TCF7: variants seen among roughly 807,000 people sequenced by gnomAD.
The protein encoded by TCF7 is T-cell-factor-7.
TCF7 carries 19 observed loss-of-function variants against 46.8 expected under a neutral mutation model. The observed-to-expected ratio is 0.41, with a 90% CI of 0.28 to 0.60. The LOEUF is 0.60. TCF7 is among the 20% of genes least tolerant of loss of function. TCF7 has a pLI of 0.35. For synonymous variants in TCF7, 245 were observed against 213.4 expected, an observed-to-expected ratio of 1.15 and a Z score of -1.29; for missense variants, 547 against 504.6, an observed-to-expected ratio of 1.08 and a Z score of -0.81.
chr5:134,114,660 AGTGCCCGCCCCGCCCCCG>A (rs1171463859), upstream of TCF7: 10 of 21,286 alleles, frequency 4.7e-4, no homozygotes, highest in African/African-American at 1.9e-3. Context: ...GCCCGCCCCC[AGTGCCCGCCCCGCCCCCG>A]GCACTCGGCC....
At chr5:134,135,152 G>A (rs921710652) in intron 3 of TCF7, among the ~76,000 whole-genome samples, 1 of 152,102 alleles carries the variant, frequency 6.6e-6, no homozygotes. Flanking sequence ...TAGAGACAAG[G>A]TCTCGCTATG....
intron 7 of TCF7, 32 bp from the exon 8 acceptor site, chr5:134,142,961 T>TGCACCC (rs1760074778): frequency 6.2e-7 from 1 of 1,613,220 alleles, no homozygotes. Context: ...GACTCCCTGA[T>TGCACCC]GCACCCCACC....
rs1760892567 is a variant in TCF7 at position 134,147,944 on chromosome 5, C to A, written c.*1641C>A. The A allele has an allele frequency of 7.1e-6, 1 of 141,310 alleles. No individual in the cohort carries two copies. The highest frequency in any genetic ancestry group is 1.5e-5 in the Non-Finnish European group (1 of 66,918). The allele number at this position is 141,310 out of a possible 1,614,324, so 8.8% of individuals were successfully genotyped here. On this transcript the variant is annotated 3_prime_UTR_variant, in exon 10 of 10. Coordinates refer to ENST00000342854, the MANE Select transcript of TCF7 (RefSeq NM_003202.5). ...TGAGCCGAGATGGCGCTATTGCACT[C>A]CAGTCTGGGTAACAGGGAGACTGCA...
rs753896927 is a variant in TCF7, at chr5:134,115,391, A to T, written c.316+4A>T. On this transcript the variant is annotated splice_donor_region_variant and intron_variant, in intron 2 of 9. Coordinates refer to ENST00000342854, the MANE Select transcript of TCF7 (RefSeq NM_003202.5). ...CTTCCAGAGCCCCTGGAGGACGGTG[A>T]GTTTCTGCCCGGCCCGGCTTCCCTT... is the stretch of plus-strand genomic sequence containing the variant. 1 of 1,598,744 alleles carries T rather than the reference A, an allele frequency of 6.3e-7. No homozygotes were observed. Among genetic ancestry groups the T allele is most frequent in the Non-Finnish European group, 8.5e-7 (1 of 1,173,400 alleles).
chr5:134,140,733 G>A (rs1264978836), intron 5 of TCF7: 1 of 452,174 alleles, frequency 2.2e-6, no homozygotes, highest in Non-Finnish European at 4.5e-6. Context: ...AGCAAGGTAG[G>A]GAAGTCTTTC....
At position 134,142,779 on chromosome 5, in the gene TCF7, C is replaced by A; in HGVS notation, c.814C>A (p.Pro272Thr). 6.2e-7 allele frequency: 1 copy of A among 1,614,162 alleles called. No individual in the cohort carries two copies. The highest frequency in any genetic ancestry group is 8.5e-7 in the Non-Finnish European group (1 of 1,180,032). The change falls in exon 7 of 10, where the codon CCC (proline) becomes ACC (threonine). Residue 272 changes from proline (P) to threonine (T), a missense_variant. Pro to Thr is a conservative substitution (Grantham distance 38). This residue lies in a region of TCF7 where 32 missense variants were observed against 65.9 expected (regional missense o/e 0.49). Transcript: ENST00000342854. ...KEAKKPTIKKPLNAFMLYMKE... is the reference protein window; with the variant it reads ...KEAKKPTIKKTLNAFMLYMKE... ...GGCCAAGAAGCCAACCATCAAGAAGCCCCTCAATGCCTTCATGCTGTACAT... is the reference window on the plus strand; with the variant it reads ...GGCCAAGAAGCCAACCATCAAGAAGACCCTCAATGCCTTCATGCTGTACAT...
intron 3 of TCF7, among the ~76,000 whole-genome samples, chr5:134,133,877 G>A (rs1278619534): frequency 2.0e-5 from 3 of 152,232 alleles, no homozygotes; most frequent in African/African-American, 7.2e-5. Context: ...CCGCAGCACT[G>A]CCCATCACAT....
intron 5 of TCF7, 158 bp from the exon 6 acceptor site, chr5:134,142,021 GGTATTT>G: frequency 1.1e-6 from 1 of 921,588 alleles, no homozygotes; most frequent in Non-Finnish European, 1.6e-6. Context: ...GCTGGGAGCA[GGTATTT>G]GTATTTATCT....
In TCF7 at chr5:134,148,178, T is replaced by C. The variant is rs535133507; in HGVS notation, c.*1875T>C. 7.9e-5 allele frequency: 12 copies of C among 152,754 alleles called. No individual in the cohort carries two copies. The South Asian group carries it at 2.5e-3, about 32-fold the overall frequency. 9.5% of individuals were successfully genotyped at this position (152,754 alleles called of 1,614,324 possible). A position where few individuals can be genotyped will look rare whatever the true frequency, so the allele number is the denominator to read the frequency against. ...TTAATGCATCATCATAGAAAAACTT[T>C]TAAACATGAGAATAAAGATACTTTT... On this transcript the variant is annotated 3_prime_UTR_variant, in exon 10 of 10. Coordinates refer to ENST00000342854, the MANE Select transcript of TCF7 (RefSeq NM_003202.5).
chr5:134,123,429 A>T (rs562286122), intron 3 of TCF7, among the ~76,000 whole-genome samples: 69 of 152,318 alleles, frequency 4.5e-4, no homozygotes, highest in African/African-American at 1.6e-3. Flanking sequence ...GGAGCCTCTA[A>T]GTCGGCTCTG....
intron 7 of TCF7, 55 bp downstream of exon 7, chr5:134,142,938 G>GA: frequency 6.2e-7 from 1 of 1,612,252 alleles, no homozygotes; most frequent in Non-Finnish European, 8.5e-7. Context: ...TCTTCAGCCT[G>GA]GTGCAGCCTG....
At chr5:134,125,496 G>C (rs906551323) in intron 3 of TCF7, among the ~76,000 whole-genome samples, 5 of 152,224 alleles carry the variant, frequency 3.3e-5, no homozygotes, top group Non-Finnish European at 5.9e-5. Context: ...TCTGGGCACA[G>C]GTCTCACTCA....
rs146720876 is a variant in TCF7 at position 134,142,255 on chromosome 5, A to T, written c.706A>T (p.Ile236Phe). The change falls in exon 6 of 10, where the codon ATT becomes TTT. Residue 236 changes from isoleucine to phenylalanine, a missense_variant. Ile to Phe is a conservative substitution (Grantham distance 21). Transcript: ENST00000342854. ...GHPAAIPHPA[I>F]VPPSGKQELQ... ...CCCAGCAGCCATCCCCCACCCGGCCATTGTGCCCCCCTCAGGGAAGCAGGA... is the reference window on the plus strand; with the variant it reads ...CCCAGCAGCCATCCCCCACCCGGCCTTTGTGCCCCCCTCAGGGAAGCAGGA... 4.1e-5 allele frequency: 66 copies of T among 1,608,530 alleles called. No individual in the cohort carries two copies. The highest frequency in any genetic ancestry group is 5.1e-5 in the Non-Finnish European group (60 of 1,176,096).
intron 3 of TCF7, among the ~76,000 whole-genome samples, chr5:134,121,514 G>T (rs576106062): frequency 1.3e-5 from 2 of 151,692 alleles, no homozygotes; most frequent in South Asian, 2.1e-4. Flanking sequence ...GCTTGAACCC[G>T]GGAGGTGGAG....
intron 3 of TCF7, chr5:134,137,723 TTTAGGGGGCTGGAGGCTA>T (rs1759100263): frequency 4.9e-6 from 1 of 204,832 alleles, no homozygotes; most frequent in African/African-American, 2.3e-5. Context: ...CATGCCCTGC[TTTAGGGGGCTGGAGGCTA>T]TAAGCAACCT....
chr5:134,146,003 G>A (rs916885425), intron 9 of TCF7: 37 of 1,484,422 alleles, frequency 2.5e-5, no homozygotes, highest in Non-Finnish European at 3.3e-5. Flanking sequence ...AGTGACAAAA[G>A]GCCCCTTTGC....
rs1454653798 is a variant in TCF7, at chr5:134,147,065, G to A, written c.*762G>A. The A allele has an allele frequency of 6.3e-6, 1 of 157,810 alleles. No homozygotes were observed. The highest frequency in any genetic ancestry group is 1.4e-5 in the Non-Finnish European group (1 of 72,312). 9.8% of individuals were successfully genotyped at this position (157,810 alleles called of 1,614,324 possible). On this transcript the variant is annotated 3_prime_UTR_variant, in exon 10 of 10. Coordinates refer to ENST00000342854, the MANE Select transcript of TCF7 (RefSeq NM_003202.5). Reference sequence around the variant, plus strand: ...AAAACCAGCTGCTACTCATAAGTTGGACCAGAGGAAGCCCCTTACTATGAT... The same window carrying A: ...AAAACCAGCTGCTACTCATAAGTTGAACCAGAGGAAGCCCCTTACTATGAT...
chr5:134,117,817 C>T (rs1756030744), intron 3 of TCF7, among the ~76,000 whole-genome samples: 1 of 152,246 alleles, frequency 6.6e-6, no homozygotes, highest in African/African-American at 2.4e-5. Context: ...TACAAATCCC[C>T]TTGCCCTCCT....
chr5:134,117,339 A>T (rs1226914999), intron 3 of TCF7, among the ~76,000 whole-genome samples: 1 of 152,196 alleles, frequency 6.6e-6, no homozygotes, highest in Non-Finnish European at 1.5e-5. Flanking sequence ...GTGTGAGCCC[A>T]TGCTTAACAA....
Sources: gnomAD v4.1 joint callset for allele counts (sites outside exome capture counted in the v4.1 genomes callset) on GRCh38, gnomAD v4.1.1 for gene constraint, gnomAD v4.1.1 regional missense constraint, MANE v1.5 for transcripts, NCBI Gene and HGNC (gene_info 2026-07-23, HGNC 2026-07-21) for gene names.